Variants in MICAL3 observed in about 807,000 individuals in gnomAD.
MICAL3 encodes the protein [F-actin]-monooxygenase MICAL3.
A neutral mutation model predicts 207.4 loss-of-function variants in MICAL3; 62 were observed. The ratio of observed to expected loss-of-function variants is 0.30; its 90% CI spans 0.24 to 0.37. The LOEUF is 0.37. MICAL3 is among the 10% of genes least tolerant of loss of function. The pLI, the probability that MICAL3 is intolerant of heterozygous loss-of-function variation, is 1.00. For synonymous variants in MICAL3, 1,077 were observed against 1,069.3 expected (o/e 1.01, Z -0.14); for missense variants, 2,368 against 2,635.6 (o/e 0.90, Z 2.22).
chr22:17,877,564 TTA>T, intron 16 of MICAL3, among the ~76,000 whole-genome samples: 1 of 143,532 alleles, frequency 7.0e-6, no homozygotes, highest in Admixed American at 7.3e-5. Flanking sequence ...GTTATGGAGG[TTA>T]GGGAGGTTAG....
At chr22:17,877,140 G>C (rs866232454) in intron 16 of MICAL3, among the ~76,000 whole-genome samples, 11 of 133,172 alleles carry the variant, frequency 8.3e-5, no homozygotes, top group South Asian at 2.4e-4. Context: ...GGTTAGGGAG[G>C]TTATGGAGGT....
chr22:17,980,869 A>C (rs768846093), intron 1 of MICAL3: 10 of 529,338 alleles, frequency 1.9e-5, no homozygotes, highest in African/African-American at 3.9e-5. Flanking sequence ...GCTCAACTGC[A>C]CCCTCACTTC....
At chr22:17,921,512 G>A (rs1932799609) in intron 1 of MICAL3, among the ~76,000 whole-genome samples, 1 of 152,114 alleles carries the variant, frequency 6.6e-6, no homozygotes, top group Non-Finnish European at 1.5e-5. Flanking sequence ...TGTGTGTGAT[G>A]GAGTCTTGCT....
chr22:17,818,747 T>C lies in MICAL3; in HGVS notation c.3914A>G (p.Lys1305Arg). 2 of 1,603,360 alleles carry C rather than the reference T, an allele frequency of 1.2e-6. No individual in the cohort carries two copies. Among genetic ancestry groups the C allele is most frequent in the Non-Finnish European group, 8.5e-7 (1 of 1,172,498 alleles). ...AGCAAGGGGGCTGCCCAGTCTGTCC[T>C]TGGTGTCACTTTGGCTTTGGACAGG... ...PLPVQSQSDT[K>R]DRLGSPLAVD... The change falls in exon 26 of 32, where the codon AAG (lysine) becomes AGG (arginine). Residue 1305 changes from lysine to arginine, a missense_variant. By Grantham distance (26) the Lys-to-Arg change is conservative (BLOSUM62 2). Coordinates refer to ENST00000441493, the MANE Select transcript of MICAL3 (RefSeq NM_015241.3).
chr22:17,904,678 G>A lies in MICAL3; in HGVS notation c.426C>T (p.Ala142=). The A allele has an allele frequency of 6.2e-7, 1 of 1,614,130 alleles. No homozygotes were observed. The highest frequency in any genetic ancestry group is 1.7e-5 in the Admixed American group (1 of 60,028). ...CACAGAACTTGCCATAGAACTTCTT[G>A]GCACCCAGACCTCGTAGATCATGTA... The part of the protein sequence containing the change: ...FTIHDLRGLG[A]KKFYGKFCAG... Residue 142 remains alanine (A), a synonymous_variant, in exon 3 of 32, where the codon GCC becomes GCT. Transcript: ENST00000441493.
intron 5 of MICAL3, 56 bp downstream of exon 5, chr22:17,901,822 G>T: frequency 1.5e-6 from 2 of 1,365,526 alleles, no homozygotes; most frequent in South Asian, 1.2e-5. Context: ...CCCAGAGGTA[G>T]GATAGCATCA....
At chr22:17,869,786 C>G (rs1221936779) in intron 17 of MICAL3, among the ~76,000 whole-genome samples, 1 of 152,176 alleles carries the variant, frequency 6.6e-6, no homozygotes, top group African/African-American at 2.4e-5. Flanking sequence ...GGACAAACAA[C>G]ATACAAGTTC....
rs1441336033 is a variant in MICAL3, at chr22:17,944,369, C to G, written c.-74-37483G>C. 4.6e-5 allele frequency among the ~76,000 whole-genome samples: 7 copies of G among 152,140 alleles called. No individual in the cohort carries two copies. The South Asian group carries it at 1.5e-3, about 32-fold the overall frequency. ...GAGAGGGGGTGGCAGTAGGAGAGGG[C>G]GCAGGGTTCCAGGAGAGCAGGGGGT... On this transcript the variant is annotated intron_variant, in intron 1 of 31. Transcript: ENST00000441493.
chr22:17,939,680 T>C (rs1196873536), intron 1 of MICAL3, among the ~76,000 whole-genome samples: 1 of 152,162 alleles, frequency 6.6e-6, no homozygotes, highest in Non-Finnish European at 1.5e-5. Context: ...AGACAAACAC[T>C]TTTTTCCACA....
chr22:17,788,827 G>C lies in MICAL3; in HGVS notation c.*1905C>G, dbSNP rs2061804907. 1 of 152,496 alleles carries C rather than the reference G, an allele frequency of 6.6e-6. No homozygotes were observed. Among genetic ancestry groups the C allele is most frequent in the Non-Finnish European group, 1.5e-5 (1 of 68,208 alleles). The allele number at this position is 152,496 out of a possible 1,614,324, so 9.4% of individuals were successfully genotyped here. ...ATGAATGTTCAAGTTGAAGCACAGT[G>C]TGGTTCCCATGGAAAGCCCAAGGTC... is the stretch of plus-strand genomic sequence containing the variant. On this transcript the variant is annotated 3_prime_UTR_variant, in exon 32 of 32. Coordinates refer to ENST00000441493, the MANE Select transcript of MICAL3 (RefSeq NM_015241.3).
intron 19 of MICAL3, among the ~76,000 whole-genome samples, chr22:17,856,241 C>G (rs1925871460): frequency 6.6e-6 from 1 of 152,272 alleles, no homozygotes; most frequent in Non-Finnish European, 1.5e-5. Flanking sequence ...AGTGACGGCA[C>G]TGCAAGCTTT....
In MICAL3 at chr22:17,923,058, C is replaced by T. The variant is rs115505139; in HGVS notation, c.-74-16172G>A. On this transcript the variant is annotated intron_variant, in intron 1 of 31. Coordinates refer to ENST00000441493, the MANE Select transcript of MICAL3 (RefSeq NM_015241.3). ...CCGCTGACCCCTGAGATCACTCCCC[C>T]AGCTACACCCCTCACCACACCACTT... is the stretch of plus-strand genomic sequence containing the variant. Among the ~76,000 whole-genome samples, 666 of 152,258 alleles carry T rather than the reference C, an allele frequency of 4.4e-3. 5 individuals are homozygous for T. Among genetic ancestry groups the T allele is most frequent in the African/African-American group, 0.015 (642 of 41,542 alleles).
intron 1 of MICAL3, among the ~76,000 whole-genome samples, chr22:17,971,606 G>C (rs1344283536): frequency 1.3e-5 from 2 of 152,144 alleles, no homozygotes; most frequent in African/African-American, 4.8e-5. Flanking sequence ...ACACTGTGTT[G>C]GGGCTAAGCA....
intron 1 of MICAL3, among the ~76,000 whole-genome samples, chr22:17,988,114 T>C (rs1348672949): frequency 6.6e-6 from 1 of 152,154 alleles, no homozygotes; most frequent in African/African-American, 2.4e-5. Context: ...GATGGAAGTC[T>C]GCGAGCATCC....
In MICAL3 at chr22:17,830,464, C is replaced by T. The variant is rs112940175; in HGVS notation, c.3055+1390G>A. 2.7e-3 allele frequency among the ~76,000 whole-genome samples: 417 copies of T among 152,378 alleles called. 2 individuals are homozygous for T. The highest frequency in any genetic ancestry group is 9.2e-3 in the African/African-American group (383 of 41,598). ...CGGCTCAACTCTCCTGAAAAGGGAA[C>T]GTGCTTCGACCCGAAGCTGTGCCAG... is the stretch of plus-strand genomic sequence containing the variant. On this transcript the variant is annotated intron_variant, in intron 21 of 31. Transcript: ENST00000441493.
intron 29 of MICAL3, 53 bp downstream of exon 29, chr22:17,808,791 C>A: frequency 6.9e-7 from 1 of 1,459,032 alleles, no homozygotes; most frequent in Admixed American, 2.0e-5. Context: ...CCTACCACGG[C>A]GGGAGGGAGG....
Position 17,795,772 on chromosome 22 carries a change from C to T in MICAL3, c.5651-4471G>A, listed in dbSNP as rs747004826. On this transcript the variant is annotated intron_variant, in intron 29 of 31. Coordinates refer to ENST00000441493, the MANE Select transcript of MICAL3 (RefSeq NM_015241.3). The stretch of plus-strand genomic sequence containing the variant: ...GTACGCTCCACACTTCCACAACGGG[C>T]GAGGCTACTTTTATAATCAGAAAAA... Among the ~76,000 whole-genome samples the T allele has an allele frequency of 9.4e-4, 143 of 152,146 alleles. 1 individual carries two copies. The highest frequency in any genetic ancestry group is 4.1e-4 in the South Asian group (2 of 4,826).
At position 17,899,530 on chromosome 22, in the gene MICAL3, A is replaced by G; in HGVS notation, c.866T>C (p.Ile289Thr). ...REATGIDLEN[I>T]VYYKDDTHYF... ...GTGTGTGTCATCTTTGTAGTAAACG[A>G]TGTTCTCCAAGTCAATACCTGGGGC... Residue 289 changes from isoleucine to threonine, a missense_variant, in exon 7 of 32, where the codon ATC (isoleucine) becomes ACC (threonine). Ile to Thr is a moderately conservative substitution (Grantham distance 89). This residue lies in a region of MICAL3 where 400 missense variants were observed against 547.0 expected (regional missense o/e 0.73). Transcript: ENST00000441493. 1 of 1,603,442 alleles carries G rather than the reference A, an allele frequency of 6.2e-7. No homozygotes were observed. Among genetic ancestry groups the G allele is most frequent in the Non-Finnish European group, 8.5e-7 (1 of 1,174,116 alleles).
At chr22:18,011,625 C>A (rs1813655329) in intron 1 of MICAL3, among the ~76,000 whole-genome samples, 1 of 151,726 alleles carries the variant, frequency 6.6e-6, no homozygotes, top group South Asian at 2.1e-4. Flanking sequence ...AATCCCAGCA[C>A]TTTGGGAGGC....
Sources: gnomAD v4.1 joint callset for allele counts (sites outside exome capture counted in the v4.1 genomes callset) on GRCh38, gnomAD v4.1.1 for gene constraint, gnomAD v4.1.1 regional missense constraint, MANE v1.5 for transcripts, NCBI Gene and HGNC (gene_info 2026-07-23, HGNC 2026-07-21) for gene names.